Variants in SLC4A4 observed in about 807,000 individuals in gnomAD.
The protein encoded by SLC4A4 is solute carrier family 4 member 4.
In SLC4A4, 27 loss-of-function variants were observed where a neutral mutation model predicts 111.5. The ratio of observed to expected loss-of-function variants is 0.24; its 90% CI spans 0.18 to 0.33. The LOEUF (loss-of-function observed/expected upper bound fraction) is 0.33. SLC4A4 is among the 10% of genes least tolerant of loss of function. The pLI is 1.00. For synonymous variants in SLC4A4, 443 were observed against 463.4 expected (o/e 0.96, Z 0.57); for missense variants, 909 against 1,315.5 (o/e 0.69, Z 4.78).
chr4:71,551,173 G>T (rs1014351984), intron 20 of SLC4A4, among the ~76,000 whole-genome samples: 9 of 151,920 alleles, frequency 5.9e-5, no homozygotes, highest in African/African-American at 1.9e-4. Context: ...TTTCTGGCAA[G>T]TCTGAAGAAA....
intron 3 of SLC4A4, among the ~76,000 whole-genome samples, chr4:71,296,395 CA>C (rs1197937260): frequency 1.3e-5 from 2 of 152,086 alleles, no homozygotes; most frequent in African/African-American, 2.4e-5. Flanking sequence ...GTATAATGAT[CA>C]ATAAACTGTT....
At chr4:71,518,355 A>G (rs759654631) in intron 16 of SLC4A4, among the ~76,000 whole-genome samples, 1 of 152,000 alleles carries the variant, frequency 6.6e-6, no homozygotes, top group Non-Finnish European at 1.5e-5. Context: ...TTAAGGGTCT[A>G]GCCTGGAGGG....
chr4:71,409,502 G>A (rs1391644178), intron 7 of SLC4A4, among the ~76,000 whole-genome samples: 1 of 152,228 alleles, frequency 6.6e-6, no homozygotes, highest in Non-Finnish European at 1.5e-5. Flanking sequence ...CTTTGAACTT[G>A]AGAGAGGTGA....
intron 2 of SLC4A4, among the ~76,000 whole-genome samples, chr4:71,136,501 G>T (rs1679749042): frequency 6.6e-6 from 1 of 152,196 alleles, no homozygotes; most frequent in African/African-American, 2.4e-5. Flanking sequence ...GTACAGCATT[G>T]TCTGAGGACC....
chr4:71,350,863 A>G (rs989424393), intron 5 of SLC4A4, among the ~76,000 whole-genome samples: 9 of 152,106 alleles, frequency 5.9e-5, no homozygotes, highest in Admixed American at 5.9e-4. Flanking sequence ...CACACTGCAG[A>G]CCCCTTGGAA....
At chr4:71,393,825 A>G (rs1025061693) in intron 6 of SLC4A4, among the ~76,000 whole-genome samples, 2 of 152,328 alleles carry the variant, frequency 1.3e-5, no homozygotes, top group East Asian at 1.9e-4. Flanking sequence ...ACATAGACCA[A>G]TGGAACAGAA....
chr4:71,414,348 A>G (rs1230684262), intron 7 of SLC4A4, among the ~76,000 whole-genome samples: 2 of 152,242 alleles, frequency 1.3e-5, no homozygotes, highest in Admixed American at 1.3e-4. Context: ...TGCCAAGGGC[A>G]GAGCTTTGTT....
At chr4:71,318,781 G>A (rs981190044) in intron 3 of SLC4A4, among the ~76,000 whole-genome samples, 6 of 149,894 alleles carry the variant, frequency 4.0e-5, no homozygotes, top group African/African-American at 1.5e-4. Flanking sequence ...CAGTAATGGA[G>A]TCTGTAAAAA....
At chr4:71,152,423 G>A (rs1484104815) in intron 2 of SLC4A4, among the ~76,000 whole-genome samples, 2 of 152,076 alleles carry the variant, frequency 1.3e-5, no homozygotes, top group African/African-American at 2.4e-5. Flanking sequence ...CACTTGAAAT[G>A]TTATTCTATG....
At chr4:71,213,506 C>G (rs1232733163) in intron 1 of SLC4A4, among the ~76,000 whole-genome samples, 4 of 152,166 alleles carry the variant, frequency 2.6e-5, no homozygotes, top group African/African-American at 9.7e-5. Context: ...TCATGGCATA[C>G]TAATTGCTCT....
At position 71,567,916 on chromosome 4, in the gene SLC4A4, G is replaced by T. The variant is rs745736483; in HGVS notation, c.*165G>T. ...TAACCTGTTTGTCTTTCTTAAAACT[G>T]ACATTTGTTGTTAATGTCATTTGTT... is the stretch of plus-strand genomic sequence containing the variant. On this transcript the variant is annotated 3_prime_UTR_variant, in exon 26 of 26. Coordinates refer to ENST00000264485, the MANE Select transcript of SLC4A4 (RefSeq NM_001098484.3). 1.1e-4 allele frequency: 133 copies of T among 1,250,194 alleles called. No individual in the cohort carries two copies. The Middle Eastern group carries it at 1.5e-3, about 14-fold the overall frequency. 77.4% of individuals were successfully genotyped at this position (1,250,194 alleles called of 1,614,324 possible). A position where few individuals can be genotyped will look rare whatever the true frequency, so the allele number is the denominator to read the frequency against.
chr4:71,219,128 A>C lies in SLC4A4; in HGVS notation c.-1-17448A>C, dbSNP rs2602081. Among the ~76,000 whole-genome samples the C allele has an allele frequency of 6.2e-3, 945 of 152,310 alleles. 10 individuals are homozygous for C. Among genetic ancestry groups the C allele is most frequent in the African/African-American group, 0.021 (891 of 41,562 alleles). ...GTAGCACGTCTCTCACTTTAAGTTAAAAGCTAGAAATGATTAAGCTTAGTG... is the reference window on the plus strand; with the variant it reads ...GTAGCACGTCTCTCACTTTAAGTTACAAGCTAGAAATGATTAAGCTTAGTG... On this transcript the variant is annotated intron_variant, in intron 1 of 25. Transcript: ENST00000264485.
intron 16 of SLC4A4, among the ~76,000 whole-genome samples, chr4:71,525,239 T>C (rs1733311935): frequency 6.6e-6 from 1 of 152,178 alleles, no homozygotes. Context: ...GCTTTGGTAG[T>C]TTAAATATTT....
intron 6 of SLC4A4, among the ~76,000 whole-genome samples, chr4:71,380,755 T>G (rs1307589820): frequency 6.6e-6 from 1 of 152,178 alleles, no homozygotes; most frequent in Non-Finnish European, 1.5e-5. Flanking sequence ...GGGTTTGAAC[T>G]TGGGGGTTTA....
chr4:71,137,368 A>G (rs904773567), intron 2 of SLC4A4, among the ~76,000 whole-genome samples: 3 of 152,184 alleles, frequency 2.0e-5, no homozygotes, highest in African/African-American at 7.2e-5. Flanking sequence ...ATCTATCTAG[A>G]CATCAGTCTG....
intron 2 of SLC4A4, among the ~76,000 whole-genome samples, chr4:71,241,779 A>C (rs552818585): frequency 1.3e-5 from 2 of 152,350 alleles, no homozygotes; most frequent in South Asian, 2.1e-4. Context: ...ATGTATCCAC[A>C]CATTGGCCCA....
At chr4:71,472,586 G>T in intron 13 of SLC4A4, 113 bp from the exon 14 acceptor site, 5 of 1,078,256 alleles carry the variant, frequency 4.6e-6, no homozygotes, top group South Asian at 1.3e-5. Flanking sequence ...ACATTTAGTG[G>T]CTAAAGGTGA....
intron 2 of SLC4A4, among the ~76,000 whole-genome samples, chr4:71,117,558 T>G (rs1743301692): frequency 6.6e-6 from 1 of 152,224 alleles, no homozygotes; most frequent in Non-Finnish European, 1.5e-5. Flanking sequence ...TGAAACATGT[T>G]CATCTCTCTT....
chr4:71,388,059 C>T (rs1283681506), intron 6 of SLC4A4, among the ~76,000 whole-genome samples: 1 of 152,132 alleles, frequency 6.6e-6, no homozygotes, highest in Admixed American at 6.5e-5. Context: ...GCGAGATATT[C>T]ATTTACTTCT....
Sources: allele counts gnomAD v4.1 joint callset (sites outside exome capture counted in the v4.1 genomes callset), GRCh38; gene constraint gnomAD v4.1.1; transcripts MANE v1.5; gene names NCBI Gene and HGNC (gene_info 2026-07-23, HGNC 2026-07-21).